The following SORCS2 variants were observed in gnomAD, a reference collection of about 807,000 sequenced individuals.
The protein encoded by SORCS2 is sortilin related VPS10 domain containing receptor 2.
A neutral mutation model predicts 141.6 loss-of-function variants in SORCS2; 100 were observed. The ratio of observed to expected loss-of-function variants is 0.71; its 90% CI spans 0.60 to 0.83. SORCS2 has a LOEUF of 0.83. Ranked by LOEUF, SORCS2 falls within the 40% of genes least tolerant of loss-of-function variation. SORCS2 has a pLI of 0.00. For missense variants in SORCS2, 1,646 were observed against 1,560.2 expected (o/e 1.05, Z -0.93); for synonymous variants, 789 against 676.9 (o/e 1.17, Z -2.57).
intron 4 of SORCS2, among the ~76,000 whole-genome samples, chr4:7,652,614 C>T (rs751850404): frequency 2.6e-4 from 40 of 152,158 alleles, no homozygotes; most frequent in Non-Finnish European, 7.4e-5. Flanking sequence ...ACCCTCTTTG[C>T]TCTGCTTACC....
At chr4:7,654,357 T>C in intron 5 of SORCS2, 150 bp downstream of exon 5, 1 of 750,542 alleles carries the variant, frequency 1.3e-6, no homozygotes, top group Non-Finnish European at 2.2e-6. Flanking sequence ...CCACTGCCTC[T>C]GCCTGCAGCC....
chr4:7,438,953 T>A (rs1727477037), intron 2 of SORCS2, among the ~76,000 whole-genome samples: 1 of 152,202 alleles, frequency 6.6e-6, no homozygotes, highest in South Asian at 2.1e-4. Flanking sequence ...CATCCTTCTT[T>A]GGCACTTCTG....
intron 9 of SORCS2, among the ~76,000 whole-genome samples, 162 bp downstream of exon 9, chr4:7,676,391 G>T (rs1366724424): frequency 1.3e-5 from 2 of 152,146 alleles, no homozygotes; most frequent in African/African-American, 4.8e-5. Flanking sequence ...GGCTTTGCAG[G>T]CCAAGAGGCT....
At chr4:7,448,488 TC>T (rs1728150040) in intron 2 of SORCS2, among the ~76,000 whole-genome samples, 1 of 7,622 alleles carries the variant, frequency 1.3e-4, no homozygotes, top group Non-Finnish European at 2.4e-3. Context: ...CTTCCATGTC[TC>T]CCTTCCTTTC....
At chr4:7,653,523 G>A (rs569662800) in intron 4 of SORCS2, among the ~76,000 whole-genome samples, 45 of 152,306 alleles carry the variant, frequency 3.0e-4, no homozygotes, top group Non-Finnish European at 4.9e-4. Flanking sequence ...GATTACAGGC[G>A]TGAGCCACCG....
intron 3 of SORCS2, among the ~76,000 whole-genome samples, chr4:7,620,669 C>T (rs1577851617): frequency 6.6e-6 from 1 of 152,240 alleles, no homozygotes; most frequent in African/African-American, 2.4e-5. Context: ...CTCCATGTCC[C>T]TGACAAAGCT....
chr4:7,712,628 C>T lies in SORCS2; in HGVS notation c.1869-105C>T, dbSNP rs920585599. ...AAGGGCAGGAGAAGGATATCTGTGC[C>T]CATGGTACAGGTAGGAACAGAGTCC... is the stretch of plus-strand genomic sequence containing the variant. On this transcript the variant is annotated intron_variant, in intron 14 of 26. Transcript: ENST00000507866. The T allele has an allele frequency of 6.0e-6, 9 of 1,497,868 alleles. No homozygotes were observed. In the African/African-American group the frequency reaches 1.2e-4, roughly 21 times the overall value. 92.8% of individuals were successfully genotyped at this position (1,497,868 alleles called of 1,614,324 possible).
At chr4:7,588,525 T>G (rs1461117581) in intron 3 of SORCS2, among the ~76,000 whole-genome samples, 1 of 152,214 alleles carries the variant, frequency 6.6e-6, no homozygotes, top group Non-Finnish European at 1.5e-5. Flanking sequence ...TTGAATCTGC[T>G]GAATGGCACT....
rs987495515 is a variant in SORCS2 at position 7,741,210 on chromosome 4, C to G, written c.*946C>G. Reference sequence around the variant, plus strand: ...GCAGTTCCTTATAGGCGAAGGGAACCGGGTGGAAACCAAGCTGGGAGAGGC... The same window carrying G: ...GCAGTTCCTTATAGGCGAAGGGAACGGGGTGGAAACCAAGCTGGGAGAGGC... On this transcript the variant is annotated 3_prime_UTR_variant, in exon 27 of 27. Coordinates refer to ENST00000507866, the MANE Select transcript of SORCS2 (RefSeq NM_020777.3). 12 of 398,612 alleles carry G rather than the reference C, an allele frequency of 3.0e-5. No homozygotes were observed. The highest frequency in any genetic ancestry group is 2.3e-4 in the African/African-American group (11 of 48,588). The allele number at this position is 398,612 out of a possible 1,614,324, so 24.7% of individuals were successfully genotyped here. A position where few individuals can be genotyped will look rare whatever the true frequency, so the allele number is the denominator to read the frequency against.
At chr4:7,285,697 T>C (rs1218910737) in intron 1 of SORCS2, among the ~76,000 whole-genome samples, 2 of 152,250 alleles carry the variant, frequency 1.3e-5, no homozygotes, top group Non-Finnish European at 2.9e-5. Flanking sequence ...GGCCTCGTTC[T>C]TCCTTCTCGC....
chr4:7,590,712 G>T (rs1203095275), intron 3 of SORCS2, among the ~76,000 whole-genome samples: 1 of 152,190 alleles, frequency 6.6e-6, no homozygotes. Flanking sequence ...CCTGCCCTGG[G>T]AGACTTCATT....
intron 2 of SORCS2, among the ~76,000 whole-genome samples, chr4:7,448,717 T>TCTTCCTCCCTCCCTTCCTCCCTCCCTCC (rs1429694324): frequency 9.5e-6 from 1 of 105,426 alleles, no homozygotes. Flanking sequence ...TCCCCTCCCT[T>TCTTCCTCCCTCCCTTCCTCCCTCCCTCC]CTTCCTCCCT....
intron 3 of SORCS2, among the ~76,000 whole-genome samples, chr4:7,549,194 A>C (rs948637356): frequency 1.3e-5 from 2 of 151,990 alleles, no homozygotes; most frequent in African/African-American, 2.4e-5. Context: ...CATTTCTTCT[A>C]TCTCTACTGG....
chr4:7,272,801 A>G (rs1318090053), intron 1 of SORCS2, among the ~76,000 whole-genome samples: 2 of 152,260 alleles, frequency 1.3e-5, no homozygotes, highest in Non-Finnish European at 1.5e-5. Flanking sequence ...ACTCTGGTGG[A>G]GGTGGAAAGG....
chr4:7,382,316 T>C (rs1163396134), intron 1 of SORCS2, among the ~76,000 whole-genome samples: 1 of 152,126 alleles, frequency 6.6e-6, no homozygotes, highest in Admixed American at 6.5e-5. Context: ...GGGAGTGACA[T>C]TGCCATCATC....
At chr4:7,287,438 C>T (rs4689683) in intron 1 of SORCS2, among the ~76,000 whole-genome samples, 82,692 of 152,080 alleles carry the variant, frequency 0.54, 22,836 homozygotes, top group Middle Eastern at 0.62. Context: ...GGGAGCTGGG[C>T]GTGGGGGCAC....
chr4:7,416,587 C>A (rs564395599), intron 2 of SORCS2, among the ~76,000 whole-genome samples: 1 of 152,282 alleles, frequency 6.6e-6, no homozygotes, highest in East Asian at 1.9e-4. Context: ...CATGCAGACA[C>A]ATGCTCACAC....
chr4:7,676,127 C>T lies in SORCS2; in HGVS notation c.1239C>T (p.Asn413=), dbSNP rs1245499136. The T allele has an allele frequency of 1.9e-6, 3 of 1,582,128 alleles. No individual in the cohort carries two copies. Among genetic ancestry groups the T allele is most frequent in the African/African-American group, 2.7e-5 (2 of 74,242 alleles). The change falls in exon 9 of 27, where the codon AAC becomes AAT. Residue 413 remains asparagine, a synonymous_variant. Transcript: ENST00000507866. ...VQEWYQMDTY[N]LYQSDPRGVR... Reference sequence around the variant, plus strand: ...AGTGGTACCAGATGGACACCTACAACCTGTACCAGTCGGACCCACGGGGCG... The same window carrying T: ...AGTGGTACCAGATGGACACCTACAATCTGTACCAGTCGGACCCACGGGGCG...
At chr4:7,240,517 C>T (rs913830758) in intron 1 of SORCS2, among the ~76,000 whole-genome samples, 19 of 152,124 alleles carry the variant, frequency 1.2e-4, no homozygotes, top group Admixed American at 2.6e-4. Flanking sequence ...TTCTGCCGAA[C>T]GTTTCCCCGT....
Sources: allele counts gnomAD v4.1 joint callset (sites outside exome capture counted in the v4.1 genomes callset), GRCh38; gene constraint gnomAD v4.1.1; transcripts MANE v1.5; gene names NCBI Gene and HGNC (gene_info 2026-07-23, HGNC 2026-07-21).